The following AGO2 variants were observed in gnomAD, a reference collection of about 807,000 sequenced individuals.
AGO2 encodes the protein protein argonaute-2.
A neutral mutation model predicts 102.3 loss-of-function variants in AGO2; 5 were observed. That is an observed-to-expected ratio of 0.05 (90% CI 0.03 to 0.10). The LOEUF is 0.10. Among genes scored for constraint, AGO2 ranks in the 10% least tolerant of loss-of-function variants. AGO2 has a pLI of 1.00. For missense variants in AGO2, 541 were observed against 1,183.7 expected (o/e 0.46, Z 7.97); for synonymous variants, 449 against 473.1 (o/e 0.95, Z 0.66).
intron 1 of AGO2, among the ~76,000 whole-genome samples, chr8:140,597,802 T>C (rs1173324585): frequency 1.3e-5 from 2 of 152,174 alleles, no homozygotes; most frequent in Non-Finnish European, 2.9e-5. Flanking sequence ...AATAAATGTC[T>C]ATTTTTATCA....
intron 1 of AGO2, 34 bp from the exon 2 acceptor site, chr8:140,585,345 G>C (rs765287918): frequency 6.2e-7 from 1 of 1,604,200 alleles, no homozygotes; most frequent in Admixed American, 1.7e-5. Context: ...ATTAACGGGG[G>C]AGCAGGCTTG....
At chr8:140,635,652 G>C, upstream of AGO2, 1 of 418,872 alleles carries the variant, frequency 2.4e-6, no homozygotes, top group Non-Finnish European at 3.2e-6. Context: ...GACGCGGCCG[G>C]GGCGGCGGGC....
chr8:140,554,106 C>T (rs183875569), intron 10 of AGO2, among the ~76,000 whole-genome samples: 32 of 152,344 alleles, frequency 2.1e-4, no homozygotes, highest in African/African-American at 7.2e-4. Context: ...AGCTGAAGCC[C>T]GAGGGAACAG....
chr8:140,598,693 G>C (rs189813630), intron 1 of AGO2, among the ~76,000 whole-genome samples: 2 of 152,298 alleles, frequency 1.3e-5, no homozygotes, highest in East Asian at 3.9e-4. Flanking sequence ...ACTCTGGCCT[G>C]CTGCTTCCTC....
At chr8:140,632,530 C>T (rs2074354677) in intron 1 of AGO2, among the ~76,000 whole-genome samples, 1 of 152,188 alleles carries the variant, frequency 6.6e-6, no homozygotes, top group African/African-American at 2.4e-5. Context: ...TACTTTGTGG[C>T]AAATCTGCGA....
At chr8:140,630,714 A>G (rs2074331556) in intron 1 of AGO2, among the ~76,000 whole-genome samples, 1 of 152,238 alleles carries the variant, frequency 6.6e-6, no homozygotes, top group Non-Finnish European at 1.5e-5. Flanking sequence ...TGTAAGAGAT[A>G]AACTGCACAA....
At position 140,567,105 on chromosome 8, in the gene AGO2, A is replaced by G. The variant is rs1488779892; in HGVS notation, c.337-4471T>C. ...ACCTCTGTAGTCAACACCGAGGGGCAATGGCAAGGGGTCTATTTTCCCACA... is the reference window on the plus strand; with the variant it reads ...ACCTCTGTAGTCAACACCGAGGGGCGATGGCAAGGGGTCTATTTTCCCACA... On this transcript the variant is annotated intron_variant, in intron 3 of 18. Transcript: ENST00000220592. This position sits in a 1 kb window ranked among gnomAD's most constrained non-coding sequence, Gnocchi z 5.0. Among the ~76,000 whole-genome samples the G allele has an allele frequency of 2.6e-5, 4 of 152,354 alleles. No homozygotes were observed. Among genetic ancestry groups the G allele is most frequent in the Non-Finnish European group, 5.9e-5 (4 of 68,034 alleles).
chr8:140,555,883 G>A lies in AGO2; in HGVS notation c.1269+13C>T, dbSNP rs753563713. 2.3e-5 allele frequency: 37 copies of A among 1,610,864 alleles called. No individual in the cohort carries two copies. Among genetic ancestry groups the A allele is most frequent in the East Asian group, 8.9e-5 (4 of 44,794 alleles). ...GCCCCGCAGCCACACGTTCCCCGCC[G>A]CCCCACACGTACCCTGCCCCCGTAG... On this transcript the variant is annotated intron_variant, in intron 10 of 18. Transcript: ENST00000220592.
chr8:140,634,595 TAAA>T (rs937174831), intron 1 of AGO2, among the ~76,000 whole-genome samples: 1 of 152,192 alleles, frequency 6.6e-6, no homozygotes, highest in Non-Finnish European at 1.5e-5. Flanking sequence ...ACTCTGCATT[TAAA>T]AAGAAAAACA....
chr8:140,560,292 A>G (rs1446953522), intron 5 of AGO2, 82 bp downstream of exon 5: 4 of 1,551,954 alleles, frequency 2.6e-6, no homozygotes, highest in Non-Finnish European at 2.6e-6. Flanking sequence ...AGCTGGCCAC[A>G]TGCCACCCCC....
upstream of AGO2, among the ~76,000 whole-genome samples, chr8:140,640,235 C>T (rs890731423): frequency 6.6e-6 from 1 of 152,172 alleles, no homozygotes; most frequent in Non-Finnish European, 1.5e-5. Context: ...GTCTTGAGCT[C>T]CTGACCTCAA....
At chr8:140,555,842 C>G (rs987795476) in intron 10 of AGO2, 54 bp downstream of exon 10, 2 of 1,576,050 alleles carry the variant, frequency 1.3e-6, no homozygotes, top group Non-Finnish European at 8.6e-7. Flanking sequence ...TGAGAGGGGT[C>G]GCAGGGCAGA....
rs768505195 is a variant in AGO2, at chr8:140,539,368, C to T, written c.2121G>A (p.Val707=). The change falls in exon 16 of 19, where the codon GTG becomes GTA. Residue 707 remains valine, a synonymous_variant. Coordinates refer to ENST00000220592, the MANE Select transcript of AGO2 (RefSeq NM_012154.5). The surrounding 1 kb of genome is among the most constrained non-coding windows in gnomAD (Gnocchi z 4.7). ...AGAGCCGGGTGTGGTGCCTCTTCTG[C>T]ACCACGATGAAGGTGATCCCGGGCT... The part of the protein sequence containing the change: ...DYQPGITFIV[V]QKRHHTRLFC... The T allele has an allele frequency of 1.2e-6, 2 of 1,614,050 alleles. No individual in the cohort carries two copies. Among genetic ancestry groups the T allele is most frequent in the Admixed American group, 1.7e-5 (1 of 60,012 alleles).
chr8:140,586,071 T>G (rs993631200), intron 1 of AGO2, among the ~76,000 whole-genome samples: 1 of 152,268 alleles, frequency 6.6e-6, no homozygotes, highest in African/African-American at 2.4e-5. Flanking sequence ...TATGGCAGCA[T>G]GGCCTTCCAC....
At chr8:140,623,211 T>G (rs7818126) in intron 1 of AGO2, among the ~76,000 whole-genome samples, 19 of 7,616 alleles carry the variant, frequency 2.5e-3, no homozygotes, top group African/African-American at 0.011. Context: ...CCTCTTGGGG[T>G]AATAATCCAC....
In AGO2 at chr8:140,529,061, T is replaced by C. The variant is rs1458382241; in HGVS notation, c.*2983A>G. 1 of 152,232 alleles carries C rather than the reference T, an allele frequency of 6.6e-6. No individual in the cohort carries two copies. The highest frequency in any genetic ancestry group is 2.4e-5 in the African/African-American group (1 of 41,462). 9.4% of individuals were successfully genotyped at this position (152,232 alleles called of 1,614,324 possible). A position where few individuals can be genotyped will look rare whatever the true frequency, so the allele number is the denominator to read the frequency against. ...TGAGATAAAATCCCAGTTTTTCTTT[T>C]AAACAAACCCAGACTTCTACACATA... is the stretch of plus-strand genomic sequence containing the variant. On this transcript the variant is annotated 3_prime_UTR_variant, in exon 19 of 19. Transcript: ENST00000220592.
intron 14 of AGO2, among the ~76,000 whole-genome samples, chr8:140,542,104 G>A (rs774045876): frequency 6.6e-6 from 1 of 152,152 alleles, no homozygotes; most frequent in Non-Finnish European, 1.5e-5. Context: ...CAGCCATGAA[G>A]AGGGCAGACA....
chr8:140,588,359 G>T (rs2073690339), intron 1 of AGO2, among the ~76,000 whole-genome samples: 1 of 152,158 alleles, frequency 6.6e-6, no homozygotes, highest in African/African-American at 2.4e-5. Context: ...CAATGCTTTG[G>T]TGTCCCAGTG....
Position 140,539,285 on chromosome 8 carries a change from C to A in AGO2, c.2169+35G>T. On this transcript the variant is annotated intron_variant, in intron 16 of 18. Coordinates refer to ENST00000220592, the MANE Select transcript of AGO2 (RefSeq NM_012154.5). The surrounding 1 kb of genome is among the most constrained non-coding windows in gnomAD (Gnocchi z 4.7). ...TCGGGGTGTGGGGCTGAGGGGAGAA[C>A]CGTGCCCCCTGCCTGGAGTCATGCA... is the stretch of plus-strand genomic sequence containing the variant. The A allele has an allele frequency of 6.3e-7, 1 of 1,575,620 alleles. No homozygotes were observed. Among genetic ancestry groups the A allele is most frequent in the Non-Finnish European group, 8.6e-7 (1 of 1,158,686 alleles).
Sources: allele counts gnomAD v4.1 joint callset (sites outside exome capture counted in the v4.1 genomes callset), GRCh38; gene constraint gnomAD v4.1.1; non-coding constraint Gnocchi (gnomAD v3.1); transcripts MANE v1.5; gene names NCBI Gene and HGNC (gene_info 2026-07-23, HGNC 2026-07-21).